CR1: variants seen among roughly 807,000 people sequenced by gnomAD.
The protein encoded by CR1 is complement C3b/C4b receptor 1 (Knops blood group).
In CR1, 116 loss-of-function variants were observed where a neutral mutation model predicts 187.3. The ratio of observed to expected loss-of-function variants is 0.62; its 90% CI spans 0.53 to 0.72. CR1 has a LOEUF of 0.72. CR1 is among the 30% of genes least tolerant of loss of function. CR1 has a pLI of 0.00. For missense variants in CR1, 1,731 were observed against 2,110.7 expected, an observed-to-expected ratio of 0.82 and a Z score of 3.52; for synonymous variants, 576 against 747.1, an observed-to-expected ratio of 0.77 and a Z score of 3.73.
Position 207,506,406 on chromosome 1 carries a change from AG to A in CR1, c.302-307del, listed in dbSNP as rs746722421. On this transcript the variant is annotated intron_variant, in intron 2 of 46. Coordinates refer to ENST00000367049, the MANE Select transcript of CR1 (RefSeq NM_000651.6). ...AAGAGAAGTGGATTAAATAACTAAAAGATGTGACAATCTTGGGCTTTGAGAT... is the reference window on the plus strand; with the variant it reads ...AAGAGAAGTGGATTAAATAACTAAAAATGTGACAATCTTGGGCTTTGAGAT... Among the ~76,000 whole-genome samples, 5 of 152,252 alleles carry A rather than the reference AG, an allele frequency of 3.3e-5. No homozygotes were observed. The South Asian group carries it at 1.0e-3, about 31-fold the overall frequency.
At chr1:207,586,772 C>T (rs981255944) in intron 33 of CR1, among the ~76,000 whole-genome samples, 1 of 152,134 alleles carries the variant, frequency 6.6e-6, no homozygotes, top group Admixed American at 6.5e-5. Flanking sequence ...TCCACTTTTT[C>T]CCTGATAGGG....
In CR1 at chr1:207,611,980, C is replaced by T. The variant is rs767544074; in HGVS notation, c.6514C>T (p.Arg2172Cys). The change falls in exon 39 of 47, where the codon CGT becomes TGT. Residue 2172 changes from arginine to cysteine, a missense_variant. By Grantham distance (180) the Arg-to-Cys change is radical. Around this residue, in one of 5 missense-constraint regions of CR1, gnomAD observed 1,312 missense variants for 1,379.6 expected, o/e 0.95. Coordinates refer to ENST00000367049, the MANE Select transcript of CR1 (RefSeq NM_000651.6). ...CTTCCTGGGCCAACTCCCTCATGGC[C>T]GTGTGCTACTTCCACTTAATCTCCA... Reference protein sequence around the residue: ...DDFLGQLPHGRVLLPLNLQLG... With the variant: ...DDFLGQLPHGCVLLPLNLQLG... 1.7e-5 allele frequency: 28 copies of T among 1,613,876 alleles called. No individual in the cohort carries two copies. The highest frequency in any genetic ancestry group is 1.6e-4 in the Middle Eastern group (1 of 6,084).
intron 1 of CR1, among the ~76,000 whole-genome samples, chr1:207,498,966 C>G (rs1419623472): frequency 7.3e-6 from 1 of 137,220 alleles, no homozygotes; most frequent in Non-Finnish European, 1.6e-5. Flanking sequence ...AAACAGAGAA[C>G]AAGAGAAAAA....
chr1:207,614,657 A>T lies in CR1; in HGVS notation c.6661+168A>T, dbSNP rs56037198. Among the ~76,000 whole-genome samples the T allele has an allele frequency of 6.8e-3, 1,033 of 152,268 alleles. 10 individuals are homozygous for T. The highest frequency in any genetic ancestry group is 0.024 in the African/African-American group (981 of 41,548). ...AGAAGGGTCTTGTAGGTCTTCTCTG[A>T]CATGTGTTTTTGTTACTAATCTGCA... On this transcript the variant is annotated intron_variant, in intron 40 of 46. Transcript: ENST00000367049.
intron 29 of CR1, 64 bp from the exon 30 acceptor site, chr1:207,580,176 T>C (rs564328461): frequency 1.8e-5 from 28 of 1,583,784 alleles, no homozygotes; most frequent in African/African-American, 4.0e-5. Context: ...AGCTATGAGG[T>C]CTTCAGGAAG....
chr1:207,604,300 G>T (rs933066650), intron 35 of CR1, among the ~76,000 whole-genome samples: 5 of 151,838 alleles, frequency 3.3e-5, no homozygotes, highest in Non-Finnish European at 4.4e-5. Context: ...TTCCTCTGTG[G>T]TTTGTCTTCA....
At chr1:207,636,541 T>A (rs1571626823) in intron 46 of CR1, among the ~76,000 whole-genome samples, 1 of 152,200 alleles carries the variant, frequency 6.6e-6, no homozygotes, top group Non-Finnish European at 1.5e-5. Flanking sequence ...TTGTCTAAGA[T>A]CATTAATTTG....
At chr1:207,565,964 T>C (rs921179838) in intron 24 of CR1, 41 bp downstream of exon 24, 10 of 1,608,256 alleles carry the variant, frequency 6.2e-6, no homozygotes, top group Non-Finnish European at 8.5e-6. Context: ...TCTCTCCCCT[T>C]CATCTGTTCA....
chr1:207,596,866 ATAT>A (rs903830237), intron 35 of CR1, among the ~76,000 whole-genome samples: 36 of 148,012 alleles, frequency 2.4e-4, no homozygotes, highest in East Asian at 1.6e-3. Flanking sequence ...TTGATATAAA[ATAT>A]TATATAAATC....
At position 207,641,188 on chromosome 1, in the gene CR1, T is replaced by G. The variant is rs1360296798; in HGVS notation, c.*1779T>G. ...ATTTCTTGGGATTTTGAAGAAGTAA[T>G]TTTTAAAGGAGGACTAGAAACTAAG... On this transcript the variant is annotated 3_prime_UTR_variant, in exon 47 of 47. Coordinates refer to ENST00000367049, the MANE Select transcript of CR1 (RefSeq NM_000651.6). 1 of 152,170 alleles carries G rather than the reference T, an allele frequency of 6.6e-6. No homozygotes were observed. The highest frequency in any genetic ancestry group is 1.5e-5 in the Non-Finnish European group (1 of 68,044). 9.4% of individuals were successfully genotyped at this position (152,170 alleles called of 1,614,324 possible).
In CR1 at chr1:207,619,980, A is replaced by G. The variant is rs752751254; in HGVS notation, c.7167A>G (p.Glu2389=). ...GAGATTATGTGACTTTGAAGTGTGAAGATGGGTATACTCTGGAAGGCAGTC... is the reference window on the plus strand; with the variant it reads ...GAGATTATGTGACTTTGAAGTGTGAGGATGGGTATACTCTGGAAGGCAGTC... ...HYGDYVTLKC[E]DGYTLEGSPW... Residue 2389 remains glutamate (E), a synonymous_variant, in exon 43 of 47, where the codon GAA becomes GAG. Coordinates refer to ENST00000367049, the MANE Select transcript of CR1 (RefSeq NM_000651.6). The G allele has an allele frequency of 5.6e-6, 9 of 1,613,832 alleles. No individual in the cohort carries two copies. Among genetic ancestry groups the G allele is most frequent in the Non-Finnish European group, 6.8e-6 (8 of 1,179,832 alleles).
At chr1:207,578,872 A>T (rs1232676692) in intron 29 of CR1, among the ~76,000 whole-genome samples, 1 of 152,208 alleles carries the variant, frequency 6.6e-6, no homozygotes, top group African/African-American at 2.4e-5. Flanking sequence ...TATTTTATTT[A>T]AAAACTATTT....
At position 207,583,406 on chromosome 1, in the gene CR1, C is replaced by T. The variant is rs1283831886; in HGVS notation, c.5303-1243C>T. Among the ~76,000 whole-genome samples the T allele has an allele frequency of 3.3e-5, 5 of 152,050 alleles. No homozygotes were observed. The South Asian group carries it at 6.2e-4, about 19-fold the overall frequency. ...ATGAATGGGAGGAACTGTAACAGATCATAGACAATATTTTAGAGGAGTTTT... is the reference window on the plus strand; with the variant it reads ...ATGAATGGGAGGAACTGTAACAGATTATAGACAATATTTTAGAGGAGTTTT... On this transcript the variant is annotated intron_variant, in intron 32 of 46. Coordinates refer to ENST00000367049, the MANE Select transcript of CR1 (RefSeq NM_000651.6).
chr1:207,503,106 G>GT (rs1431683774), intron 1 of CR1, among the ~76,000 whole-genome samples: 1 of 152,268 alleles, frequency 6.6e-6, no homozygotes, highest in South Asian at 2.1e-4. Context: ...GGTAATAATC[G>GT]TAAGTATAAT....
chr1:207,587,895 T>C (rs1661160317), intron 34 of CR1, among the ~76,000 whole-genome samples: 1 of 152,256 alleles, frequency 6.6e-6, no homozygotes, highest in Non-Finnish European at 1.5e-5. Flanking sequence ...CTTGACTAGA[T>C]GCTCATTTCA....
chr1:207,580,306 C>G lies in CR1; in HGVS notation c.5003C>G (p.Pro1668Arg), dbSNP rs1407154782. The change falls in exon 30 of 47, where the codon CCT (proline) becomes CGT (arginine). Residue 1668 changes from proline to arginine, a missense_variant. Coordinates refer to ENST00000367049, the MANE Select transcript of CR1 (RefSeq NM_000651.6). ...CCAAGCCATCAGGACAACTTTTCAC[C>G]TGGGCAGGAAGTGTTCTACAGCTGT... ...HTPSHQDNFS[P>R]GQEVFYSCEP... 6.2e-7 allele frequency: 1 copy of G among 1,613,784 alleles called. No homozygotes were observed. Among genetic ancestry groups the G allele is most frequent in the Non-Finnish European group, 8.5e-7 (1 of 1,179,822 alleles).
At chr1:207,498,133 A>G (rs1183541449) in intron 1 of CR1, among the ~76,000 whole-genome samples, 2 of 152,214 alleles carry the variant, frequency 1.3e-5, no homozygotes, top group Non-Finnish European at 2.9e-5. Context: ...AATGAGCACA[A>G]CTGACATCCT....
chr1:207,577,122 A>ATG (rs1218785130), intron 28 of CR1, among the ~76,000 whole-genome samples: 1 of 152,014 alleles, frequency 6.6e-6, no homozygotes, highest in Non-Finnish European at 1.5e-5. Context: ...TTGGTGGCGC[A>ATG]TGCCTGTAAT....
intron 35 of CR1, among the ~76,000 whole-genome samples, chr1:207,602,762 C>T (rs903468942): frequency 2.6e-5 from 4 of 151,508 alleles, no homozygotes; most frequent in African/African-American, 4.9e-5. Flanking sequence ...CCTGAAAACC[C>T]GAAGGAATTA....
Sources: gnomAD v4.1 joint callset for allele counts (sites outside exome capture counted in the v4.1 genomes callset) on GRCh38, gnomAD v4.1.1 for gene constraint, gnomAD v4.1.1 regional missense constraint, MANE v1.5 for transcripts, NCBI Gene and HGNC (gene_info 2026-07-23, HGNC 2026-07-21) for gene names.